ZNF341: variants seen among roughly 807,000 people sequenced by gnomAD.
ZNF341 encodes zinc finger protein 341.
In ZNF341, 52 loss-of-function variants were observed where a neutral mutation model predicts 87.7. The observed-to-expected ratio is 0.59, with a 90% CI of 0.47 to 0.75. The LOEUF (loss-of-function observed/expected upper bound fraction) is 0.75, where lower values mean the gene tolerates loss of function less well. Ranked by LOEUF, ZNF341 falls within the 30% of genes least tolerant of loss-of-function variation. The probability of loss-of-function intolerance (pLI) is 0.00; values close to 1 mark genes in which losing one functional copy is unlikely to be tolerated. For missense variants in ZNF341, 977 were observed against 1,145.9 expected, an observed-to-expected ratio of 0.85 and a Z score of 2.13; for synonymous variants, 459 against 472.7, an observed-to-expected ratio of 0.97 and a Z score of 0.38.
chr20:33,737,081 C>T (rs374562569), intron 1 of ZNF341, among the ~76,000 whole-genome samples: 2 of 152,266 alleles, frequency 1.3e-5, no homozygotes, highest in Non-Finnish European at 1.5e-5. Flanking sequence ...GTGGCAGGTG[C>T]TGCCAGATGG....
chr20:33,741,509 T>C (rs1450088223), intron 2 of ZNF341, among the ~76,000 whole-genome samples: 1 of 151,750 alleles, frequency 6.6e-6, no homozygotes, highest in African/African-American at 2.4e-5. Flanking sequence ...GTTCAAGCAA[T>C]TCTCATACCT....
intron 10 of ZNF341, among the ~76,000 whole-genome samples, chr20:33,778,768 A>G (rs941061895): frequency 1.3e-5 from 2 of 152,188 alleles, no homozygotes; most frequent in African/African-American, 4.8e-5. Flanking sequence ...TTGTTCACCT[A>G]CCTGTGACAT....
At chr20:33,767,490 G>A (rs2019434766) in intron 9 of ZNF341, among the ~76,000 whole-genome samples, 1 of 151,656 alleles carries the variant, frequency 6.6e-6, no homozygotes, top group Non-Finnish European at 1.5e-5. Flanking sequence ...GGCTGGTCTC[G>A]AACTCCTGAC....
chr20:33,736,872 C>G (rs2018698229), intron 1 of ZNF341, among the ~76,000 whole-genome samples: 1 of 152,150 alleles, frequency 6.6e-6, no homozygotes, highest in African/African-American at 2.4e-5. Context: ...AGGAAGTAGA[C>G]TGGGGTGAGT....
chr20:33,740,150 C>T (rs1489943231), intron 1 of ZNF341, among the ~76,000 whole-genome samples: 2 of 152,192 alleles, frequency 1.3e-5, no homozygotes, highest in Admixed American at 1.3e-4. Context: ...AGGCGTGAGC[C>T]ACTGCGCCTG....
At position 33,732,192 on chromosome 20, in the gene ZNF341, G is replaced by GGCGCGGGCGGGAACA. The variant is rs2018580833; in HGVS notation, c.31+148_31+162dup. ...GCTGGAACAGCCGCGGGGCGGGAGG[G>GGCGCGGGCGGGAACA]GCGCGGGCGGGAACAGCGCGGGAGC... On this transcript the variant is annotated intron_variant, in intron 1 of 14. Transcript: ENST00000375200. This position sits in a 1 kb window ranked among gnomAD's most constrained non-coding sequence, Gnocchi z 4.5. The GGCGCGGGCGGGAACA allele has an allele frequency of 1.6e-6, 1 of 641,698 alleles. No individual in the cohort carries two copies. The highest frequency in any genetic ancestry group is 1.9e-6 in the Non-Finnish European group (1 of 516,852). 39.8% of individuals were successfully genotyped at this position (641,698 alleles called of 1,614,324 possible). A position where few individuals can be genotyped will look rare whatever the true frequency, so the allele number is the denominator to read the frequency against.
intron 13 of ZNF341, 136 bp downstream of exon 13, chr20:33,789,110 C>G (rs977860441): frequency 9.4e-5 from 61 of 647,298 alleles, no homozygotes; most frequent in Non-Finnish European, 2.4e-5. Context: ...TAGTCTCACT[C>G]TGTCATCCAG....
chr20:33,785,150 G>T (rs1384516721), intron 12 of ZNF341, among the ~76,000 whole-genome samples: 1 of 152,058 alleles, frequency 6.6e-6, no homozygotes. Flanking sequence ...CGGGACAAAA[G>T]CATATATAAA....
At chr20:33,735,478 C>T (rs1046385026) in intron 1 of ZNF341, among the ~76,000 whole-genome samples, 1 of 152,022 alleles carries the variant, frequency 6.6e-6, no homozygotes, top group Non-Finnish European at 1.5e-5. Context: ...GCCAGGACAC[C>T]CAGCCAATTT....
intron 3 of ZNF341, among the ~76,000 whole-genome samples, chr20:33,746,079 CG>C (rs1026266385): frequency 1.3e-5 from 2 of 150,720 alleles, no homozygotes; most frequent in African/African-American, 4.9e-5. Context: ...TACAGGTGCC[CG>C]CCACCACACC....
At chr20:33,758,611 C>CATA in intron 6 of ZNF341, 105 bp from the exon 7 acceptor site, 1 of 858,686 alleles carries the variant, frequency 1.2e-6, no homozygotes, top group Non-Finnish European at 1.9e-6. Flanking sequence ...ATAGACTTCC[C>CATA]TGGGGTATGG....
intron 1 of ZNF341, among the ~76,000 whole-genome samples, chr20:33,734,591 G>T (rs1227436356): frequency 9.5e-4 from 145 of 152,330 alleles, no homozygotes; most frequent in Non-Finnish European, 1.3e-4. Context: ...GAAGACCCAA[G>T]TGGTGCCGCC....
chr20:33,788,754 G>A, intron 12 of ZNF341, 109 bp from the exon 13 acceptor site: 1 of 810,994 alleles, frequency 1.2e-6, no homozygotes. Flanking sequence ...TTTCTCCCCT[G>A]GCCACCTCCC....
Position 33,737,407 on chromosome 20 carries a change from C to T in ZNF341, c.32-3495C>T, listed in dbSNP as rs182051642. Among the ~76,000 whole-genome samples the T allele has an allele frequency of 1.3e-3, 202 of 152,274 alleles. 1 individual carries two copies. The East Asian group carries it at 0.022, about 17-fold the overall frequency. ...CGTGATCTCACCTCACTGCAACCTC[C>T]GCCTCCTGGGTTCACGCCATTCTCC... On this transcript the variant is annotated intron_variant, in intron 1 of 14. Coordinates refer to ENST00000375200, the MANE Select transcript of ZNF341 (RefSeq NM_001282933.2).
In ZNF341 at chr20:33,741,601, C is replaced by T. The variant is rs144593800; in HGVS notation, c.142+589C>T. 1.3e-3 allele frequency among the ~76,000 whole-genome samples: 202 copies of T among 152,162 alleles called. 3 individuals are homozygous for T. The East Asian group carries it at 0.037, about 28-fold the overall frequency. Reference sequence around the variant, plus strand: ...TGTATTTTTAATAGAGATGGGGTTTCACCATGTTGGCCAGGCTGGTCTCAA... The same window carrying T: ...TGTATTTTTAATAGAGATGGGGTTTTACCATGTTGGCCAGGCTGGTCTCAA... On this transcript the variant is annotated intron_variant, in intron 2 of 14. Transcript: ENST00000375200.
chr20:33,754,474 CCAGACCAGTGGG>C (rs1182834186), intron 5 of ZNF341, among the ~76,000 whole-genome samples: 1 of 152,132 alleles, frequency 6.6e-6, no homozygotes, highest in Non-Finnish European at 1.5e-5. Flanking sequence ...TAAAGAGAGC[CCAGACCAGTGGG>C]AAGATCCCAC....
At chr20:33,765,210 A>G (rs2122694372) in intron 8 of ZNF341, among the ~76,000 whole-genome samples, 1 of 152,156 alleles carries the variant, frequency 6.6e-6, no homozygotes, top group Non-Finnish European at 1.5e-5. Flanking sequence ...AGCCATTCCC[A>G]TGTAGACCCA....
intron 10 of ZNF341, among the ~76,000 whole-genome samples, chr20:33,771,037 A>G (rs6059461): frequency 0.13 from 19,632 of 151,864 alleles, 4,288 homozygotes; most frequent in African/African-American, 0.45. Context: ...CAGGAGAATG[A>G]CGTGAACCCG....
intron 12 of ZNF341, among the ~76,000 whole-genome samples, chr20:33,786,295 C>A (rs953815093): frequency 1.3e-5 from 2 of 152,158 alleles, no homozygotes; most frequent in Non-Finnish European, 2.9e-5. Context: ...TGAGCCATCA[C>A]GCCCAGCCTA....
Sources: allele counts gnomAD v4.1 joint callset (sites outside exome capture counted in the v4.1 genomes callset), GRCh38; gene constraint gnomAD v4.1.1; non-coding constraint Gnocchi (gnomAD v3.1); transcripts MANE v1.5; gene names NCBI Gene and HGNC (gene_info 2026-07-23, HGNC 2026-07-21).